CFAP47: variants seen among roughly 807,000 people sequenced by gnomAD.
CFAP47 encodes cilia and flagella associated protein 47, also known as cilia- and flagella-associated protein 47.
A neutral mutation model predicts 148.1 loss-of-function variants in CFAP47; 29 were observed. The observed-to-expected ratio is 0.20, with a 90% CI of 0.15 to 0.27. CFAP47 has a LOEUF of 0.27. Among genes scored for constraint, CFAP47 ranks in the 10% least tolerant of loss-of-function variants. The pLI is 1.00. For missense variants in CFAP47, 1,872 were observed against 1,697.5 expected (o/e 1.10, Z -1.81); for synonymous variants, 664 against 577.3 (o/e 1.15, Z -2.15).
At chrX:36,138,731 A>C (rs1218532160) in intron 35 of CFAP47, among the ~76,000 whole-genome samples, 2 of 111,298 alleles carry the variant, frequency 1.8e-5, no homozygotes, top group Non-Finnish European at 3.8e-5. Context: ...ATAAACATTG[A>C]GTGAATTATA....
chrX:36,119,801 A>G (rs1172471141), intron 33 of CFAP47, among the ~76,000 whole-genome samples: 1 of 111,226 alleles, frequency 9.0e-6, no homozygotes, highest in Admixed American at 9.6e-5. Context: ...TATATGTGTC[A>G]AGGAATTTGT....
rs750796883 is a variant in CFAP47, at chrX:36,046,834, A to AT, written c.4008-12dup. 99 of 1,062,028 alleles carry AT rather than the reference A, an allele frequency of 9.3e-5. No homozygotes were observed. The Admixed American group carries it at 1.2e-3, about 13-fold the overall frequency. The allele number at this position is 1,062,028 out of a possible 1,213,427, so 87.5% of individuals were successfully genotyped here. On this transcript the variant is annotated intron_variant, in intron 25 of 63. Transcript: ENST00000378653. ...GGCAGGTATTTTGAGCTAATGAAACATTTTTTTTATTTTAAACAGAAATTC... is the reference window on the plus strand; with the variant it reads ...GGCAGGTATTTTGAGCTAATGAAACATTTTTTTTTATTTTAAACAGAAATTC...
At chrX:36,210,594 A>G (rs1456206092) in intron 45 of CFAP47, among the ~76,000 whole-genome samples, 6 of 112,346 alleles carry the variant, frequency 5.3e-5, no homozygotes, top group Non-Finnish European at 5.6e-5. Context: ...TCTATATCTC[A>G]GATACAATAT....
chrX:36,291,963 C>A (rs1351000648), intron 51 of CFAP47, among the ~76,000 whole-genome samples: 1 of 111,016 alleles, frequency 9.0e-6, no homozygotes. Flanking sequence ...TCGGTCCTTG[C>A]AATTAGAAAT....
intron 15 of CFAP47, among the ~76,000 whole-genome samples, chrX:35,988,423 T>C (rs919823270): frequency 3.6e-5 from 4 of 111,701 alleles, no homozygotes; most frequent in African/African-American, 9.8e-5. Flanking sequence ...ATATCTGATA[T>C]TAGGTGCTTT....
intron 36 of CFAP47, among the ~76,000 whole-genome samples, chrX:36,148,006 C>T (rs756742527): frequency 4.5e-5 from 5 of 111,517 alleles, no homozygotes; most frequent in Non-Finnish European, 7.5e-5. Context: ...CCTGTTAAAA[C>T]GGTAAGGCAG....
intron 50 of CFAP47, among the ~76,000 whole-genome samples, chrX:36,283,139 G>A (rs1556003928): frequency 9.0e-6 from 1 of 111,187 alleles, no homozygotes; most frequent in African/African-American, 3.3e-5. Context: ...AATATATTAA[G>A]TAGCTGTCAT....
At chrX:36,241,528 T>A (rs782635594) in intron 48 of CFAP47, among the ~76,000 whole-genome samples, 1 of 112,039 alleles carries the variant, frequency 8.9e-6, no homozygotes, top group South Asian at 3.7e-4. Flanking sequence ...CCAGGCTGAG[T>A]GCTTTGCTCC....
At chrX:36,266,767 CTGGTCCT>C (rs1482834934) in intron 49 of CFAP47, among the ~76,000 whole-genome samples, 2 of 110,869 alleles carry the variant, frequency 1.8e-5, no homozygotes, top group Non-Finnish European at 3.8e-5. Flanking sequence ...CAGATTCGCC[CTGGTCCT>C]ATGGAAAAGA....
At chrX:36,125,480 A>G (rs5973579) in intron 33 of CFAP47, among the ~76,000 whole-genome samples, 10,802 of 111,610 alleles carry the variant, frequency 0.097, 1,029 homozygotes, top group African/African-American at 0.3. Context: ...TGATTATTGA[A>G]CTACAAAAAA....
At chrX:36,114,819 G>A (rs761849362) in intron 33 of CFAP47, among the ~76,000 whole-genome samples, 1 of 111,273 alleles carries the variant, frequency 9.0e-6, no homozygotes, top group South Asian at 3.8e-4. Flanking sequence ...GTGGCAACAG[G>A]ATCCTTCCTA....
chrX:36,232,781 T>G (rs1940386532), intron 46 of CFAP47, among the ~76,000 whole-genome samples: 1 of 112,036 alleles, frequency 8.9e-6, no homozygotes, highest in African/African-American at 3.2e-5. Flanking sequence ...TACACACTGC[T>G]TTAAATGTGT....
At chrX:36,233,316 A>G (rs184539838) in intron 46 of CFAP47, among the ~76,000 whole-genome samples, 132 of 111,833 alleles carry the variant, frequency 1.2e-3, no homozygotes, top group African/African-American at 4.0e-3. Context: ...GGGTGCATAT[A>G]TATTTAGGAT....
intron 21 of CFAP47, among the ~76,000 whole-genome samples, chrX:36,013,793 A>C (rs1937067028): frequency 8.9e-6 from 1 of 112,161 alleles, no homozygotes; most frequent in African/African-American, 3.2e-5. Flanking sequence ...TTAGCATAAT[A>C]AATTTGAAAT....
At chrX:36,259,110 A>G (rs983887435) in intron 49 of CFAP47, among the ~76,000 whole-genome samples, 136 of 111,301 alleles carry the variant, frequency 1.2e-3, no homozygotes, top group African/African-American at 3.9e-3. Flanking sequence ...ATTAATGTCG[A>G]TTGCTCTTAT....
rs183527105 is a variant in CFAP47, at chrX:35,923,123, A to T, written c.250-2894A>T. Among the ~76,000 whole-genome samples the T allele has an allele frequency of 4.4e-3, 486 of 111,154 alleles. 2 individuals carry two copies. Among genetic ancestry groups the T allele is most frequent in the Middle Eastern group, 0.014 (3 of 215 alleles). ...CAAGGGGTTTGTAGTCTGCTTCCTT[A>T]AAGAGATTATGTATTCAGGAGAGGG... On this transcript the variant is annotated intron_variant, in intron 1 of 63. Coordinates refer to ENST00000378653, the MANE Select transcript of CFAP47 (RefSeq NM_001304548.2).
At chrX:36,086,086 GATAA>G (rs1239495366) in intron 30 of CFAP47, among the ~76,000 whole-genome samples, 1 of 111,797 alleles carries the variant, frequency 8.9e-6, no homozygotes, top group Non-Finnish European at 1.9e-5. Context: ...AGTCTGCATA[GATAA>G]ATTAAAATAG....
At chrX:36,105,057 C>A (rs183182188) in intron 33 of CFAP47, among the ~76,000 whole-genome samples, 1 of 111,628 alleles carries the variant, frequency 9.0e-6, no homozygotes, top group East Asian at 2.8e-4. Context: ...CAAGTAAAAT[C>A]TCCTAGAAAA....
intron 2 of CFAP47, among the ~76,000 whole-genome samples, chrX:35,932,027 T>G (rs1244339865): frequency 1.1e-5 from 1 of 90,638 alleles, no homozygotes; most frequent in Non-Finnish European, 2.1e-5. Context: ...CCTCCCTCCT[T>G]TCCTTTCTTC....
Sources: allele counts gnomAD v4.1 joint callset (sites outside exome capture counted in the v4.1 genomes callset), GRCh38; gene constraint gnomAD v4.1.1; transcripts MANE v1.5; gene names NCBI Gene and HGNC (gene_info 2026-07-23, HGNC 2026-07-21).